Variants in FNBP4 observed in about 807,000 individuals in gnomAD.
The protein encoded by FNBP4 is formin-binding protein 4.
A neutral mutation model predicts 119.3 loss-of-function variants in FNBP4; 34 were observed. The ratio of observed to expected loss-of-function variants is 0.28; its 90% confidence interval spans 0.22 to 0.38. The LOEUF is 0.38. Among genes scored for constraint, FNBP4 ranks in the 10% least tolerant of loss-of-function variants. FNBP4 has a pLI of 1.00. For synonymous variants in FNBP4, 462 were observed against 430.6 expected (o/e 1.07, Z -0.90); for missense variants, 1,112 against 1,228.9 (o/e 0.90, Z 1.42).
Position 47,752,922 on chromosome 11 carries a change from C to T in FNBP4, c.631G>A (p.Ala211Thr). The stretch of plus-strand genomic sequence containing the variant: ...ATCAAAGGATCAAGTTTACCTCCTG[C>T]CAGTGAACACTGAGTATCATATTGC... ...GWQYDTQCSL[A>T]GVGIEMGDWQ... is the part of the protein sequence containing the mutation. The change falls in exon 4 of 17, where the codon GCA becomes ACA. Residue 211 changes from alanine (A) to threonine (T), a missense_variant. Coordinates refer to ENST00000263773, the MANE Select transcript of FNBP4 (RefSeq NM_015308.5). 1 of 1,609,586 alleles carries T rather than the reference C, an allele frequency of 6.2e-7. No individual in the cohort carries two copies. The highest frequency in any genetic ancestry group is 8.5e-7 in the Non-Finnish European group (1 of 1,177,634).
chr11:47,731,886 T>C (rs1010135688), intron 11 of FNBP4: 24 of 1,035,610 alleles, frequency 2.3e-5, no homozygotes, highest in Non-Finnish European at 2.5e-5. Context: ...AGGGACTCAA[T>C]CGCCTAGAAC....
At chr11:47,719,159 A>G (rs944389061) in intron 16 of FNBP4, among the ~76,000 whole-genome samples, 4 of 152,202 alleles carry the variant, frequency 2.6e-5, no homozygotes, top group Admixed American at 6.5e-5. Context: ...AAGTGCTGGG[A>G]TTACAGGCGT....
chr11:47,750,319 T>G (rs571385466), intron 6 of FNBP4, among the ~76,000 whole-genome samples: 5 of 131,914 alleles, frequency 3.8e-5, no homozygotes, highest in African/African-American at 1.4e-4. Context: ...GAGGCAGAGG[T>G]TGCAGTGAGC....
At position 47,732,481 on chromosome 11, in the gene FNBP4, C is replaced by G. The variant is rs946463142; in HGVS notation, c.1820+56G>C. On this transcript the variant is annotated intron_variant, in intron 11 of 16. Coordinates refer to ENST00000263773, the MANE Select transcript of FNBP4 (RefSeq NM_015308.5). This position sits in a 1 kb window ranked among gnomAD's most constrained non-coding sequence, Gnocchi z 4.2. ...TCATGTCGTCAGATGGTGGTGATCACAAATCATGTCTGAGATGTCAAAGGT... is the reference window on the plus strand; with the variant it reads ...TCATGTCGTCAGATGGTGGTGATCAGAAATCATGTCTGAGATGTCAAAGGT... The G allele has an allele frequency of 7.5e-6, 12 of 1,609,416 alleles. No individual in the cohort carries two copies. Among genetic ancestry groups the G allele is most frequent in the South Asian group, 3.3e-5 (3 of 90,734 alleles).
chr11:47,736,282 C>G (rs1206259267), intron 9 of FNBP4, among the ~76,000 whole-genome samples: 1 of 144,942 alleles, frequency 6.9e-6, no homozygotes, highest in African/African-American at 2.5e-5. Context: ...GCGGGCCGGG[C>G]GCAGTGGCTG....
chr11:47,727,447 C>T (rs1248521103), intron 12 of FNBP4, among the ~76,000 whole-genome samples: 1 of 151,944 alleles, frequency 6.6e-6, no homozygotes. Flanking sequence ...GAGGGGTTTT[C>T]GCCATGTTGG....
chr11:47,742,505 A>AAAAAAAAAG (rs2097583693), intron 8 of FNBP4, among the ~76,000 whole-genome samples: 1 of 145,380 alleles, frequency 6.9e-6, no homozygotes, highest in African/African-American at 2.6e-5. Flanking sequence ...AAAAAAAAAA[A>AAAAAAAAAG]GGACCACGGG....
intron 2 of FNBP4, among the ~76,000 whole-genome samples, chr11:47,759,194 A>C (rs1361271193): frequency 1.4e-5 from 2 of 141,932 alleles, no homozygotes; most frequent in Non-Finnish European, 3.0e-5. Context: ...TGCTGGGATT[A>C]CAGGTGTGAG....
intron 12 of FNBP4, chr11:47,726,257 T>C (rs11039359): frequency 0.046 from 6,980 of 152,198 alleles, 245 homozygotes; most frequent in Middle Eastern, 0.078. Flanking sequence ...CATGAGCCAT[T>C]TGGGTCTTGC....
chr11:47,731,210 AT>A, intron 12 of FNBP4, 163 bp downstream of exon 12: 1 of 607,600 alleles, frequency 1.6e-6, no homozygotes, highest in Non-Finnish European at 2.6e-6. Flanking sequence ...TAGTATGCTG[AT>A]TTCCAACCAT....
Position 47,757,448 on chromosome 11 carries a change from G to A in FNBP4, c.314-2784C>T, listed in dbSNP as rs553518586. Among the ~76,000 whole-genome samples, 14 of 152,020 alleles carry A rather than the reference G, an allele frequency of 9.2e-5. No homozygotes were observed. In the South Asian group the frequency reaches 2.3e-3, roughly 25 times the overall value. On this transcript the variant is annotated intron_variant, in intron 2 of 16. Transcript: ENST00000263773. ...AGGATGGTCTTGATCTCCTGACCTC[G>A]TGACCCGCCCACCTCGGCCTCCCAA...
At chr11:47,747,537 C>CCT (rs1397278301) in intron 6 of FNBP4, among the ~76,000 whole-genome samples, 3 of 152,022 alleles carry the variant, frequency 2.0e-5, no homozygotes, top group African/African-American at 7.2e-5. Context: ...GAACTCCTGA[C>CCT]CTCAGGTGAT....
intron 12 of FNBP4, among the ~76,000 whole-genome samples, chr11:47,728,493 C>T (rs2097563738): frequency 6.6e-6 from 1 of 152,032 alleles, no homozygotes; most frequent in Non-Finnish European, 1.5e-5. Flanking sequence ...GATCTGCGCG[C>T]CTTGGCCTCC....
At chr11:47,734,480 G>A (rs1317764366) in intron 9 of FNBP4, among the ~76,000 whole-genome samples, 1 of 152,060 alleles carries the variant, frequency 6.6e-6, no homozygotes, top group Non-Finnish European at 1.5e-5. Context: ...GTCTCCCAAA[G>A]TGCTGAGATT....
intron 2 of FNBP4, among the ~76,000 whole-genome samples, chr11:47,755,820 AT>A (rs2097616444): frequency 6.6e-6 from 1 of 152,016 alleles, no homozygotes; most frequent in Non-Finnish European, 1.5e-5. Context: ...AACAAAAAAA[AT>A]CGAGAACAAG....
At chr11:47,763,082 G>A (rs112799411) in intron 2 of FNBP4, among the ~76,000 whole-genome samples, 2,128 of 149,814 alleles carry the variant, frequency 0.014, 57 homozygotes, top group African/African-American at 0.049. Context: ...GCTCATGCCT[G>A]TAATCCCAGC....
chr11:47,760,033 G>A (rs543558010), intron 2 of FNBP4, among the ~76,000 whole-genome samples: 2 of 152,212 alleles, frequency 1.3e-5, no homozygotes, highest in African/African-American at 4.8e-5. Context: ...TTTCAATCAG[G>A]TAAGCTGCAT....
rs1599238975 is a variant in FNBP4, at chr11:47,752,253, A to G, written c.637+663T>C. On this transcript the variant is annotated intron_variant, in intron 4 of 16. Transcript: ENST00000263773. ...AGCTTTGCCAACATCGTGAAACCCC[A>G]TCTCTACTAAAAATACAAAAAATTT... is the stretch of plus-strand genomic sequence containing the variant. Among the ~76,000 whole-genome samples the G allele has an allele frequency of 4.7e-5, 7 of 148,620 alleles. 1 individual carries two copies. The highest frequency in any genetic ancestry group is 1.7e-4 in the African/African-American group (7 of 40,382).
chr11:47,753,196 C>G lies in FNBP4; in HGVS notation c.451-94G>C, dbSNP rs1022846944. Reference sequence around the variant, plus strand: ...CACTTTTTAAAAATTCTACATGAGCCGGGCACAGTGGCTCACACCTACAGT... The same window carrying G: ...CACTTTTTAAAAATTCTACATGAGCGGGGCACAGTGGCTCACACCTACAGT... On this transcript the variant is annotated intron_variant, in intron 3 of 16. Transcript: ENST00000263773. 3 of 1,001,060 alleles carry G rather than the reference C, an allele frequency of 3.0e-6. No homozygotes were observed. The South Asian group carries it at 5.3e-5, about 18-fold the overall frequency. The allele number at this position is 1,001,060 out of a possible 1,614,324, so 62.0% of individuals were successfully genotyped here.
Sources: gnomAD v4.1 joint callset for allele counts (sites outside exome capture counted in the v4.1 genomes callset) on GRCh38, gnomAD v4.1.1 for gene constraint, Gnocchi (gnomAD v3.1) non-coding constraint, MANE v1.5 for transcripts, NCBI Gene and HGNC (gene_info 2026-07-23, HGNC 2026-07-21) for gene names.